The following MINDY3 variants were observed in gnomAD, a reference collection of about 807,000 sequenced individuals.
MINDY3 encodes MINDY lysine 48 deubiquitinase 3.
Under a neutral mutation model 69.2 loss-of-function variants are expected in MINDY3, and 38 were observed. The observed-to-expected ratio is 0.55, with a 90% CI of 0.42 to 0.72. The LOEUF is 0.72. MINDY3 is among the 30% of genes least tolerant of loss of function. MINDY3 has a pLI of 0.00. For synonymous variants in MINDY3, 192 were observed against 180.1 expected (o/e 1.07, Z -0.53); for missense variants, 522 against 519.0 (o/e 1.01, Z -0.06).
At chr10:15,801,596 T>G (rs1022999619) in intron 10 of MINDY3, among the ~76,000 whole-genome samples, 4 of 151,950 alleles carry the variant, frequency 2.6e-5, no homozygotes, top group Non-Finnish European at 5.9e-5. Flanking sequence ...GCCTCTAGAT[T>G]AGGAGGTCAT....
At chr10:15,787,341 A>C (rs959987460) in intron 12 of MINDY3, among the ~76,000 whole-genome samples, 2 of 152,196 alleles carry the variant, frequency 1.3e-5, no homozygotes, top group Non-Finnish European at 2.9e-5. Flanking sequence ...AGGCAGAAGA[A>C]GGCAGACTGC....
intron 3 of MINDY3, 49 bp from the exon 4 acceptor site, chr10:15,841,648 A>G: frequency 1.5e-6 from 2 of 1,315,468 alleles, no homozygotes; most frequent in East Asian, 2.4e-5. Context: ...TGGAAAAAAA[A>G]AAATTCTGTC....
intron 11 of MINDY3, among the ~76,000 whole-genome samples, chr10:15,792,419 G>C (rs1837488084): frequency 6.6e-6 from 1 of 152,080 alleles, no homozygotes; most frequent in African/African-American, 2.4e-5. Context: ...TTTATTATGG[G>C]ATGGAAAAGG....
intron 10 of MINDY3, among the ~76,000 whole-genome samples, chr10:15,797,899 A>G (rs1477617840): frequency 6.6e-6 from 1 of 152,146 alleles, no homozygotes; most frequent in African/African-American, 2.4e-5. Context: ...TCCCTTAACT[A>G]TTTCTAACAC....
chr10:15,828,630 T>C (rs1251098161), intron 8 of MINDY3, among the ~76,000 whole-genome samples: 1 of 152,156 alleles, frequency 6.6e-6, no homozygotes, highest in African/African-American at 2.4e-5. Flanking sequence ...CTTTCTACTT[T>C]TAGAAATCTA....
At chr10:15,800,079 T>C (rs1838152388) in intron 10 of MINDY3, among the ~76,000 whole-genome samples, 1 of 152,114 alleles carries the variant, frequency 6.6e-6, no homozygotes, top group Non-Finnish European at 1.5e-5. Context: ...AATAAATATA[T>C]TGGAAATTTT....
chr10:15,841,323 C>CTTAAA, intron 4 of MINDY3, 103 bp downstream of exon 4: 33 of 868,852 alleles, frequency 3.8e-5, no homozygotes, highest in Non-Finnish European at 5.7e-5. Flanking sequence ...GAAAAGAATA[C>CTTAAA]ATGTTATGAA....
chr10:15,849,967 G>T (rs574139338), intron 1 of MINDY3, among the ~76,000 whole-genome samples: 4 of 152,248 alleles, frequency 2.6e-5, no homozygotes, highest in African/African-American at 9.6e-5. Flanking sequence ...AATGTTGCGG[G>T]AAGTTAGGGA....
intron 1 of MINDY3, among the ~76,000 whole-genome samples, chr10:15,858,196 G>C (rs1333067125): frequency 1.3e-5 from 2 of 152,130 alleles, no homozygotes; most frequent in African/African-American, 4.8e-5. Flanking sequence ...CTTAATCAGT[G>C]TAAGGCCTTG....
At chr10:15,827,203 A>C (rs1840146632) in intron 8 of MINDY3, among the ~76,000 whole-genome samples, 1 of 148,186 alleles carries the variant, frequency 6.7e-6, no homozygotes, top group Non-Finnish European at 1.5e-5. Context: ...AAAAAAGCCC[A>C]AATAGAAGCC....
At chr10:15,786,687 A>G (rs576152931) in intron 12 of MINDY3, 39 bp from the exon 13 acceptor site, 108 of 1,005,656 alleles carry the variant, frequency 1.1e-4, no homozygotes, top group Non-Finnish European at 8.7e-5. Context: ...ATACCAGAGG[A>G]AAAAAAAAAG....
chr10:15,805,852 C>A (rs1838601495), intron 10 of MINDY3, among the ~76,000 whole-genome samples: 1 of 152,124 alleles, frequency 6.6e-6, no homozygotes, highest in Non-Finnish European at 1.5e-5. Flanking sequence ...ACACCTGCAG[C>A]CAACATGTAA....
intron 2 of MINDY3, among the ~76,000 whole-genome samples, chr10:15,845,436 C>T (rs1326350956): frequency 3.3e-5 from 5 of 152,148 alleles, no homozygotes; most frequent in Non-Finnish European, 5.9e-5. Context: ...TCCTTAATAA[C>T]TTAGTTTTGA....
intron 10 of MINDY3, among the ~76,000 whole-genome samples, chr10:15,814,251 A>G (rs1260922121): frequency 6.6e-6 from 1 of 151,964 alleles, no homozygotes; most frequent in African/African-American, 2.4e-5. Context: ...CTTTTATTTC[A>G]AGGGGAAAAA....
chr10:15,851,030 C>T (rs1008821698), intron 1 of MINDY3, among the ~76,000 whole-genome samples: 1 of 152,188 alleles, frequency 6.6e-6, no homozygotes, highest in African/African-American at 2.4e-5. Context: ...CATCAGTCAT[C>T]AGTACAGGCT....
At chr10:15,803,609 CTCTA>C (rs1387310520) in intron 10 of MINDY3, among the ~76,000 whole-genome samples, 4 of 152,086 alleles carry the variant, frequency 2.6e-5, no homozygotes, top group Non-Finnish European at 4.4e-5. Flanking sequence ...AGTATATTTT[CTCTA>C]TCTAACTATA....
At position 15,782,917 on chromosome 10, in the gene MINDY3, C is replaced by T. The variant is rs146067913; in HGVS notation, c.1117-691G>A. 1.1e-3 allele frequency among the ~76,000 whole-genome samples: 165 copies of T among 152,262 alleles called. 4 individuals are homozygous for T. In the East Asian group the frequency reaches 0.026, roughly 24 times the overall value. On this transcript the variant is annotated intron_variant, in intron 13 of 14. Transcript: ENST00000277632. Reference sequence around the variant, plus strand: ...CAATTAGCTAAAGATCACGTTCAACCCTCTTAACCTGGCGTTCAAGGCCAT... The same window carrying T: ...CAATTAGCTAAAGATCACGTTCAACTCTCTTAACCTGGCGTTCAAGGCCAT...
chr10:15,847,984 C>A, intron 1 of MINDY3, 41 bp from the exon 2 acceptor site: 1 of 1,475,202 alleles, frequency 6.8e-7, no homozygotes, highest in South Asian at 1.1e-5. Flanking sequence ...AAATATAATT[C>A]AAGTAGCAGC....
At chr10:15,859,751 T>A (rs1477806101) in intron 1 of MINDY3, among the ~76,000 whole-genome samples, 1 of 152,240 alleles carries the variant, frequency 6.6e-6, no homozygotes, top group African/African-American at 2.4e-5. Flanking sequence ...AAAAAACTGC[T>A]TTTTGGAATT....
Sources: allele counts gnomAD v4.1 joint callset (sites outside exome capture counted in the v4.1 genomes callset), GRCh38; gene constraint gnomAD v4.1.1; transcripts MANE v1.5; gene names NCBI Gene and HGNC (gene_info 2026-07-23, HGNC 2026-07-21).